Variants in LOXHD1 observed in about 807,000 individuals in gnomAD.
LOXHD1 encodes the protein lipoxygenase homology domain-containing protein 1.
A neutral mutation model predicts 248.2 loss-of-function variants in LOXHD1; 205 were observed. The observed-to-expected ratio is 0.83, with a 90% CI of 0.74 to 0.93. The LOEUF (loss-of-function observed/expected upper bound fraction) is 0.93. LOXHD1 is among the 40% of genes least tolerant of loss of function. The pLI, the probability that LOXHD1 is intolerant of heterozygous loss-of-function variation, is 0.00. For missense variants in LOXHD1, 2,930 were observed against 2,971.6 expected (o/e 0.99, Z 0.33); for synonymous variants, 1,113 against 1,162.8 (o/e 0.96, Z 0.87).
At position 46,563,046 on chromosome 18, in the gene LOXHD1, G is replaced by T; in HGVS notation, c.2598+19C>A. 6.6e-7 allele frequency: 1 copy of T among 1,524,050 alleles called. No homozygotes were observed. The highest frequency in any genetic ancestry group is 1.2e-5 in the South Asian group (1 of 83,000). The allele number at this position is 1,524,050 out of a possible 1,614,324, so 94.4% of individuals were successfully genotyped here. A position where few individuals can be genotyped will look rare whatever the true frequency, so the allele number is the denominator to read the frequency against. ...CACTGAGCCTGCTGTTGGCACCCCC[G>T]CTCCTCGACCCCACATACCTGGAAT... On this transcript the variant is annotated intron_variant, in intron 18 of 40. Coordinates refer to ENST00000642948, the MANE Select transcript of LOXHD1 (RefSeq NM_001384474.1).
intron 15 of LOXHD1, 76 bp from the exon 16 acceptor site, chr18:46,569,714 G>T: frequency 3.3e-6 from 4 of 1,208,710 alleles, no homozygotes; most frequent in African/African-American, 3.0e-5. Flanking sequence ...GCGTGTATAG[G>T]AGGGCAGCCT....
chr18:46,483,590 T>C lies in LOXHD1; in HGVS notation c.6338A>G (p.Asn2113Ser), dbSNP rs933752871. The stretch of plus-strand genomic sequence containing the variant: ...TGGGGAGAGGCTCAGTACATACACA[T>C]TGCCGTACTCCATCTCGGTGATGGT... ...TITITEMEYG[N>S]VYFFNCDCLI... Residue 2113 changes from asparagine to serine, a missense_variant, in exon 40 of 41, where the codon AAT (asparagine) becomes AGT (serine). By Grantham distance (46) the Asn-to-Ser change is conservative. Coordinates refer to ENST00000642948, the MANE Select transcript of LOXHD1 (RefSeq NM_001384474.1). 1.2e-5 allele frequency: 19 copies of C among 1,551,296 alleles called. No individual in the cohort carries two copies. In the African/African-American group the frequency reaches 1.8e-4, roughly 15 times the overall value.
intron 38 of LOXHD1, among the ~76,000 whole-genome samples, chr18:46,488,739 C>T (rs1456741458): frequency 1.3e-5 from 2 of 152,154 alleles, no homozygotes; most frequent in Non-Finnish European, 1.5e-5. Flanking sequence ...TCAGCTTGTC[C>T]CCAGTGGGTT....
chr18:46,593,548 C>A, intron 10 of LOXHD1, 52 bp downstream of exon 10: 1 of 1,537,830 alleles, frequency 6.5e-7, no homozygotes, highest in South Asian at 1.2e-5. Flanking sequence ...AGGACGAATG[C>A]CCTACATCCC....
chr18:46,483,334 T>C (rs1200011024), intron 40 of LOXHD1, among the ~76,000 whole-genome samples: 1 of 152,174 alleles, frequency 6.6e-6, no homozygotes, highest in Non-Finnish European at 1.5e-5. Context: ...GAAGCATCCC[T>C]GGATCCAAAG....
At chr18:46,646,676 G>A (rs2039035077) in intron 2 of LOXHD1, among the ~76,000 whole-genome samples, 1 of 151,958 alleles carries the variant, frequency 6.6e-6, no homozygotes, top group African/African-American at 2.4e-5. Flanking sequence ...CCATCAGCCC[G>A]CAGCGCTCAT....
chr18:46,550,987 T>C (rs1598981674), intron 21 of LOXHD1, among the ~76,000 whole-genome samples: 2 of 152,326 alleles, frequency 1.3e-5, no homozygotes, highest in South Asian at 2.1e-4. Flanking sequence ...TCCCCTGGCA[T>C]ACAAGGCACT....
In LOXHD1 at chr18:46,653,432, T is replaced by C. The variant is rs1406100245; in HGVS notation, c.130+3472A>G. Among the ~76,000 whole-genome samples the C allele has an allele frequency of 2.6e-5, 4 of 152,382 alleles. No homozygotes were observed. The East Asian group carries it at 7.7e-4, about 29-fold the overall frequency. ...ACCTTCATAAGTTTTGTTCTGTATA[T>C]ACAATATTGCTCAAGTTTAAAATTT... is the stretch of plus-strand genomic sequence containing the variant. On this transcript the variant is annotated intron_variant, in intron 1 of 40. Transcript: ENST00000642948.
chr18:46,568,630 C>A (rs1403320923), intron 16 of LOXHD1, among the ~76,000 whole-genome samples: 1 of 152,196 alleles, frequency 6.6e-6, no homozygotes, highest in African/African-American at 2.4e-5. Flanking sequence ...CATCAGTTAG[C>A]AAACCCAGAT....
At chr18:46,631,570 G>T (rs1485919746) in intron 4 of LOXHD1, among the ~76,000 whole-genome samples, 6 of 152,150 alleles carry the variant, frequency 3.9e-5, no homozygotes, top group Non-Finnish European at 8.8e-5. Context: ...TGGGGTCGGG[G>T]TGGCATGCAA....
At chr18:46,577,985 CT>C (rs2037892268) in intron 13 of LOXHD1, 118 bp from the exon 14 acceptor site, 2 of 1,043,276 alleles carry the variant, frequency 1.9e-6, no homozygotes, top group Middle Eastern at 2.7e-4. Flanking sequence ...GGCAACTCCT[CT>C]TTCACACATG....
At chr18:46,583,039 G>A (rs2053225649) in intron 12 of LOXHD1, among the ~76,000 whole-genome samples, 1 of 152,168 alleles carries the variant, frequency 6.6e-6, no homozygotes, top group Non-Finnish European at 1.5e-5. Flanking sequence ...ATCAGACTCT[G>A]TTACACAGAG....
chr18:46,551,780 T>C (rs531832722), intron 21 of LOXHD1, among the ~76,000 whole-genome samples: 1 of 152,284 alleles, frequency 6.6e-6, no homozygotes, highest in South Asian at 2.1e-4. Context: ...AGAGCCCAGG[T>C]TGACCCAAGG....
chr18:46,613,034 G>A (rs1354775236), intron 5 of LOXHD1, among the ~76,000 whole-genome samples: 2 of 151,956 alleles, frequency 1.3e-5, no homozygotes, highest in Admixed American at 6.6e-5. Flanking sequence ...TATTAATATT[G>A]TTAGCATTAT....
At chr18:46,602,210 T>C (rs576496699) in intron 7 of LOXHD1, among the ~76,000 whole-genome samples, 1 of 152,254 alleles carries the variant, frequency 6.6e-6, no homozygotes, top group Non-Finnish European at 1.5e-5. Flanking sequence ...ATTTTATTTA[T>C]TTTTTATTTT....
intron 36 of LOXHD1, 104 bp from the exon 37 acceptor site, chr18:46,506,127 G>T: frequency 7.9e-7 from 1 of 1,269,920 alleles, no homozygotes; most frequent in Non-Finnish European, 1.1e-6. Context: ...AGGGGTACAG[G>T]TGGACAGAGT....
chr18:46,505,827 G>A lies in LOXHD1; in HGVS notation c.5878+11C>T, dbSNP rs1025410659. 4 of 1,551,498 alleles carry A rather than the reference G, an allele frequency of 2.6e-6. No individual in the cohort carries two copies. Among genetic ancestry groups the A allele is most frequent in the Non-Finnish European group, 1.7e-6 (2 of 1,146,950 alleles). ...TGCCCTCCCACCAACCTGGCCTTGA[G>A]TGGGAGCTACCTTTGTTGTCGTGCC... On this transcript the variant is annotated intron_variant, in intron 37 of 40. Transcript: ENST00000642948.
chr18:46,507,693 T>C lies in LOXHD1; in HGVS notation c.5537A>G (p.Asn1846Ser). The change falls in exon 36 of 41, where the codon AAC (asparagine) becomes AGC (serine). Residue 1846 changes from asparagine (N) to serine (S), a missense_variant. Physicochemically the swap from Asn to Ser is conservative, Grantham distance 46. Transcript: ENST00000642948. ...GTAGAACATGGTCAGGTCTCCAGTG[T>C]TCATGTTCTTCAGTAGGATCTGGGG... Reference protein sequence around the residue: ...FLERILLKNMNTGDLTMFYYG... With the variant: ...FLERILLKNMSTGDLTMFYYG... 1 of 1,551,432 alleles carries C rather than the reference T, an allele frequency of 6.4e-7. No homozygotes were observed. The highest frequency in any genetic ancestry group is 8.7e-7 in the Non-Finnish European group (1 of 1,146,786).
At chr18:46,577,329 A>G (rs2037877318) in intron 14 of LOXHD1, among the ~76,000 whole-genome samples, 1 of 152,192 alleles carries the variant, frequency 6.6e-6, no homozygotes, top group African/African-American at 2.4e-5. Context: ...ATGGTCAGAA[A>G]GTTATTTAAA....
Sources: allele counts gnomAD v4.1 joint callset (sites outside exome capture counted in the v4.1 genomes callset), GRCh38; gene constraint gnomAD v4.1.1; transcripts MANE v1.5; gene names NCBI Gene and HGNC (gene_info 2026-07-23, HGNC 2026-07-21).